Variants in SH3RF3 observed in about 807,000 individuals in gnomAD.
The protein encoded by SH3RF3 is SH3 domain containing ring finger 3, also known as E3 ubiquitin-protein ligase SH3RF3.
In SH3RF3, 29 loss-of-function variants were observed where a neutral mutation model predicts 66.3. That is an observed-to-expected ratio of 0.44 (90% confidence interval 0.33 to 0.60). SH3RF3 has a LOEUF of 0.60. Among genes scored for constraint, SH3RF3 ranks in the 20% least tolerant of loss-of-function variants. The probability of loss-of-function intolerance (pLI) is 0.04; values close to 1 mark genes in which losing one functional copy is unlikely to be tolerated. For synonymous variants in SH3RF3, 583 were observed against 532.0 expected (o/e 1.10, Z -1.32); for missense variants, 1,194 against 1,190.9 (o/e 1.00, Z -0.04).
chr2:109,471,443 T>C (rs1036757663), intron 8 of SH3RF3, among the ~76,000 whole-genome samples: 2 of 152,126 alleles, frequency 1.3e-5, no homozygotes, highest in East Asian at 3.9e-4. Flanking sequence ...TCACTCACTA[T>C]CACAAGAACA....
chr2:109,422,890 T>C (rs1308845202), intron 5 of SH3RF3, among the ~76,000 whole-genome samples: 1 of 151,930 alleles, frequency 6.6e-6, no homozygotes, highest in Non-Finnish European at 1.5e-5. Context: ...ATCCGAGATG[T>C]CCTGTCATCA....
intron 1 of SH3RF3, among the ~76,000 whole-genome samples, chr2:109,150,769 C>A (rs1677208783): frequency 6.6e-6 from 1 of 152,046 alleles, no homozygotes; most frequent in African/African-American, 2.4e-5. Flanking sequence ...GTTCTGATCT[C>A]CTCAAATCTC....
At chr2:109,333,141 C>T (rs1488248871) in intron 1 of SH3RF3, among the ~76,000 whole-genome samples, 1 of 152,224 alleles carries the variant, frequency 6.6e-6, no homozygotes, top group East Asian at 1.9e-4. Flanking sequence ...GCTCAAGTCC[C>T]AGGGTTGATC....
intron 1 of SH3RF3, among the ~76,000 whole-genome samples, chr2:109,298,026 G>A (rs2105386023): frequency 6.6e-6 from 1 of 152,302 alleles, no homozygotes; most frequent in South Asian, 2.1e-4. Flanking sequence ...AGGCTGGTGT[G>A]TGGTGCAGTG....
At chr2:109,440,595 G>A (rs1215315381) in intron 7 of SH3RF3, among the ~76,000 whole-genome samples, 1 of 152,226 alleles carries the variant, frequency 6.6e-6, no homozygotes, top group Admixed American at 6.5e-5. Flanking sequence ...AAAAAGCCAA[G>A]TATATAAAAC....
chr2:109,422,138 C>G (rs1676898726), intron 5 of SH3RF3, among the ~76,000 whole-genome samples: 1 of 152,178 alleles, frequency 6.6e-6, no homozygotes, highest in South Asian at 2.1e-4. Context: ...CTCTGTAAGT[C>G]ACGTTCAGAA....
intron 1 of SH3RF3, among the ~76,000 whole-genome samples, chr2:109,199,145 G>A (rs1678578825): frequency 6.6e-6 from 1 of 151,840 alleles, no homozygotes; most frequent in African/African-American, 2.4e-5. Flanking sequence ...GGATCACAAG[G>A]TCAGGAGATC....
At chr2:109,420,207 G>A (rs1676834154) in intron 5 of SH3RF3, among the ~76,000 whole-genome samples, 1 of 152,228 alleles carries the variant, frequency 6.6e-6, no homozygotes, top group Non-Finnish European at 1.5e-5. Flanking sequence ...ACAGATAAGT[G>A]CAATTTTAAA....
intron 1 of SH3RF3, among the ~76,000 whole-genome samples, chr2:109,292,550 A>G (rs909197714): frequency 1.3e-5 from 2 of 152,056 alleles, no homozygotes; most frequent in Middle Eastern, 3.2e-3. Context: ...GTTTTTCTCT[A>G]CTTTAAATGA....
intron 2 of SH3RF3, among the ~76,000 whole-genome samples, chr2:109,362,494 C>T (rs1168557234): frequency 6.6e-6 from 1 of 152,060 alleles, no homozygotes; most frequent in Non-Finnish European, 1.5e-5. Context: ...TATGGTCTGT[C>T]CTGGTGAATG....
chr2:109,489,326 C>A (rs1204664217), intron 8 of SH3RF3, among the ~76,000 whole-genome samples: 2 of 152,344 alleles, frequency 1.3e-5, no homozygotes, highest in Admixed American at 6.5e-5. Flanking sequence ...CAGCCACAGG[C>A]CCCCAGACCC....
intron 4 of SH3RF3, among the ~76,000 whole-genome samples, chr2:109,418,815 G>A (rs1676794175): frequency 2.0e-5 from 3 of 152,110 alleles, no homozygotes; most frequent in Non-Finnish European, 2.9e-5. Flanking sequence ...AGGGCAGGGC[G>A]AGCAAGCTGG....
At chr2:109,475,575 C>T (rs547468408) in intron 8 of SH3RF3, among the ~76,000 whole-genome samples, 12 of 152,354 alleles carry the variant, frequency 7.9e-5, no homozygotes, top group Non-Finnish European at 1.2e-4. Flanking sequence ...GACACCTGCC[C>T]TGTAGCCAGG....
intron 3 of SH3RF3, among the ~76,000 whole-genome samples, chr2:109,398,100 C>T (rs927926571): frequency 1.3e-5 from 2 of 152,180 alleles, no homozygotes; most frequent in African/African-American, 2.4e-5. Context: ...CTGCCACAGC[C>T]GGTCACCAGC....
At chr2:109,410,175 G>A (rs1313606861) in intron 4 of SH3RF3, among the ~76,000 whole-genome samples, 1 of 152,212 alleles carries the variant, frequency 6.6e-6, no homozygotes, top group Non-Finnish European at 1.5e-5. Context: ...GGGGAACCGC[G>A]GCCACAGCAC....
At chr2:109,410,862 A>T (rs1187436068) in intron 4 of SH3RF3, among the ~76,000 whole-genome samples, 2 of 152,042 alleles carry the variant, frequency 1.3e-5, no homozygotes, top group East Asian at 3.9e-4. Context: ...TTTCCATTGG[A>T]TGATCTTGGA....
chr2:109,337,476 T>C (rs990029414), intron 1 of SH3RF3, among the ~76,000 whole-genome samples: 1 of 152,212 alleles, frequency 6.6e-6, no homozygotes, highest in Non-Finnish European at 1.5e-5. Flanking sequence ...CAAATGGTGA[T>C]AAGGGACTGT....
intron 4 of SH3RF3, among the ~76,000 whole-genome samples, chr2:109,411,443 G>A (rs539546653): frequency 5.3e-5 from 8 of 152,178 alleles, no homozygotes; most frequent in African/African-American, 1.2e-4. Flanking sequence ...CCCCAGTAGC[G>A]TGCTGCTGAG....
intron 1 of SH3RF3, among the ~76,000 whole-genome samples, chr2:109,144,692 G>A (rs1410804281): frequency 2.6e-5 from 4 of 152,206 alleles, no homozygotes; most frequent in African/African-American, 9.7e-5. Flanking sequence ...ACTGCACTGG[G>A]TCCAGGTTGG....
Sources: allele counts gnomAD v4.1 joint callset (sites outside exome capture counted in the v4.1 genomes callset), GRCh38; gene constraint gnomAD v4.1.1; transcripts MANE v1.5; gene names NCBI Gene and HGNC (gene_info 2026-07-23, HGNC 2026-07-21).